Variants in SCFD1 observed in about 807,000 individuals in gnomAD.
SCFD1 encodes the protein sec1 family domain containing 1.
SCFD1 carries 37 observed loss-of-function variants against 103.2 expected under a neutral mutation model. The observed-to-expected ratio is 0.36, with a 90% CI of 0.28 to 0.47. The LOEUF is 0.47. Ranked by LOEUF, SCFD1 falls within the 20% of genes least tolerant of loss-of-function variation. The pLI is 1.00. For synonymous variants in SCFD1, 264 were observed against 245.0 expected (o/e 1.08, Z -0.73); for missense variants, 639 against 761.2 (o/e 0.84, Z 1.89).
At chr14:30,714,210 CG>C (rs1892103702) in intron 19 of SCFD1, among the ~76,000 whole-genome samples, 1 of 151,422 alleles carries the variant, frequency 6.6e-6, no homozygotes, top group African/African-American at 2.4e-5. Context: ...AAAAATTAGC[CG>C]GGCGCAGTGG....
intron 20 of SCFD1, among the ~76,000 whole-genome samples, chr14:30,716,882 GA>G (rs1892315512): frequency 6.6e-6 from 1 of 152,144 alleles, no homozygotes; most frequent in Non-Finnish European, 1.5e-5. Flanking sequence ...AGGAATGGGA[GA>G]ATCATTTATA....
intron 18 of SCFD1, among the ~76,000 whole-genome samples, chr14:30,707,502 C>T (rs1891551806): frequency 6.6e-6 from 1 of 152,132 alleles, no homozygotes; most frequent in African/African-American, 2.4e-5. Context: ...TTGGATCCAG[C>T]TGCTGATAAA....
chr14:30,709,827 G>A (rs1253437569), intron 19 of SCFD1, among the ~76,000 whole-genome samples: 2 of 152,168 alleles, frequency 1.3e-5, no homozygotes, highest in African/African-American at 4.8e-5. Flanking sequence ...CTACGGTAAT[G>A]TCTGCCTTTT....
chr14:30,670,500 C>A, intron 11 of SCFD1, 105 bp downstream of exon 11: 1 of 727,014 alleles, frequency 1.4e-6, no homozygotes, highest in Non-Finnish European at 2.2e-6. Flanking sequence ...TAGGTTCGTT[C>A]ACCCAATGAG....
chr14:30,661,775 G>A (rs879872444), intron 10 of SCFD1, among the ~76,000 whole-genome samples: 1 of 152,132 alleles, frequency 6.6e-6, no homozygotes, highest in Non-Finnish European at 1.5e-5. Flanking sequence ...TTGCTTAGGT[G>A]TCTAGTCTTT....
intron 23 of SCFD1, among the ~76,000 whole-genome samples, chr14:30,728,240 T>A (rs2139432747): frequency 6.6e-6 from 1 of 152,332 alleles, no homozygotes; most frequent in South Asian, 2.1e-4. Flanking sequence ...TGCAACTCTG[T>A]CTCTCATTAC....
At chr14:30,623,347 G>C (rs1220278878) in intron 1 of SCFD1, among the ~76,000 whole-genome samples, 2 of 152,132 alleles carry the variant, frequency 1.3e-5, no homozygotes, top group Non-Finnish European at 2.9e-5. Context: ...AAGGGATTTG[G>C]GCTGTACTTG....
At chr14:30,644,482 C>T (rs1025085902) in intron 7 of SCFD1, among the ~76,000 whole-genome samples, 5 of 152,182 alleles carry the variant, frequency 3.3e-5, no homozygotes, top group Non-Finnish European at 7.3e-5. Flanking sequence ...TATAAGTGTT[C>T]CCTTTCCTCT....
chr14:30,643,018 G>C (rs1319619932), intron 6 of SCFD1, among the ~76,000 whole-genome samples: 1 of 151,740 alleles, frequency 6.6e-6, no homozygotes, highest in Non-Finnish European at 1.5e-5. Flanking sequence ...AAAAAAAATT[G>C]TTTAATTAGC....
At chr14:30,650,743 G>T in intron 9 of SCFD1, 93 bp downstream of exon 9, 1 of 730,570 alleles carries the variant, frequency 1.4e-6, no homozygotes, top group Non-Finnish European at 2.3e-6. Context: ...CCTTGTAATT[G>T]AAATTTGTTT....
chr14:30,673,658 C>T (rs897970611), intron 12 of SCFD1, among the ~76,000 whole-genome samples: 5 of 152,150 alleles, frequency 3.3e-5, no homozygotes, highest in Admixed American at 2.0e-4. Flanking sequence ...ACCTATGGCA[C>T]GTCTCTGGGC....
intron 21 of SCFD1, among the ~76,000 whole-genome samples, chr14:30,721,535 T>G (rs969936061): frequency 6.6e-6 from 1 of 152,022 alleles, no homozygotes; most frequent in Non-Finnish European, 1.5e-5. Context: ...TTGAGTTTGG[T>G]AAAAATTTAC....
At chr14:30,655,272 A>G (rs1886791340) in intron 10 of SCFD1, among the ~76,000 whole-genome samples, 1 of 152,236 alleles carries the variant, frequency 6.6e-6, no homozygotes, top group Non-Finnish European at 1.5e-5. Context: ...TGGGAAAAGA[A>G]CATAAGCAGA....
At chr14:30,625,095 AT>A (rs1016510477) in intron 1 of SCFD1, among the ~76,000 whole-genome samples, 6 of 151,024 alleles carry the variant, frequency 4.0e-5, no homozygotes, top group East Asian at 3.9e-4. Context: ...TTTTTATTTT[AT>A]TTTTTTTATC....
At chr14:30,699,516 CAG>C (rs1428279455) in intron 15 of SCFD1, among the ~76,000 whole-genome samples, 1 of 152,164 alleles carries the variant, frequency 6.6e-6, no homozygotes, top group Non-Finnish European at 1.5e-5. Flanking sequence ...AGTAGTAACT[CAG>C]AGCACTGCAA....
At position 30,671,068 on chromosome 14, in the gene SCFD1, T is replaced by C. The variant is rs1196485456; in HGVS notation, c.995+673T>C. Among the ~76,000 whole-genome samples, 6 of 152,260 alleles carry C rather than the reference T, an allele frequency of 3.9e-5. No individual in the cohort carries two copies. The South Asian group carries it at 6.2e-4, about 16-fold the overall frequency. On this transcript the variant is annotated intron_variant, in intron 11 of 24. Transcript: ENST00000458591. ...CTGTTCATCAACAATTATGAAAATA[T>C]GATTTTTAAAAAATATTTCAAAATG... is the stretch of plus-strand genomic sequence containing the variant.
chr14:30,710,332 T>TAAAAAA (rs397853428), intron 19 of SCFD1, among the ~76,000 whole-genome samples: 2 of 82,026 alleles, frequency 2.4e-5, no homozygotes, highest in Admixed American at 1.5e-4. Context: ...GCCATGTCAT[T>TAAAAAA]AAAAAAAAAA....
chr14:30,692,754 C>A (rs1890405606), intron 14 of SCFD1, among the ~76,000 whole-genome samples: 1 of 152,114 alleles, frequency 6.6e-6, no homozygotes, highest in African/African-American at 2.4e-5. Context: ...ATTTTAGCAC[C>A]TTTCCCCTTC....
rs79673959 is a variant in SCFD1 at position 30,698,434 on chromosome 14, T to C, written c.1340-1754T>C. ...TTAACACTGTAGCAGTTTTAAAGTA[T>C]GTTTCCTCTTGAAGAAGAGTGGGAG... On this transcript the variant is annotated intron_variant, in intron 15 of 24. Coordinates refer to ENST00000458591, the MANE Select transcript of SCFD1 (RefSeq NM_016106.4). Among the ~76,000 whole-genome samples, 738 of 152,316 alleles carry C rather than the reference T, an allele frequency of 4.8e-3. 7 individuals carry two copies. The highest frequency in any genetic ancestry group is 0.016 in the African/African-American group (680 of 41,580).
Sources: allele counts gnomAD v4.1 joint callset (sites outside exome capture counted in the v4.1 genomes callset), GRCh38; gene constraint gnomAD v4.1.1; transcripts MANE v1.5; gene names NCBI Gene and HGNC (gene_info 2026-07-23, HGNC 2026-07-21).